The following NUP155 variants were observed in gnomAD, a reference collection of about 807,000 sequenced individuals.
The protein encoded by NUP155 is nuclear pore complex protein Nup155.
NUP155 carries 71 observed loss-of-function variants against 180.4 expected under a neutral mutation model. The ratio of observed to expected loss-of-function variants is 0.39; its 90% confidence interval spans 0.33 to 0.48. The LOEUF (loss-of-function observed/expected upper bound fraction) is 0.48. Ranked by LOEUF, NUP155 falls within the 20% of genes least tolerant of loss-of-function variation. The pLI is 0.91. For synonymous variants in NUP155, 582 were observed against 559.5 expected (o/e 1.04, Z -0.57); for missense variants, 1,553 against 1,648.9 (o/e 0.94, Z 1.01).
At chr5:37,352,132 T>G (rs1044814607) in intron 5 of NUP155, among the ~76,000 whole-genome samples, 1 of 151,662 alleles carries the variant, frequency 6.6e-6, no homozygotes, top group Non-Finnish European at 1.5e-5. Context: ...CCAAGGCAGG[T>G]GGATCACGAG....
At position 37,327,668 on chromosome 5, in the gene NUP155, T is replaced by G; in HGVS notation, c.1985A>C (p.Lys662Thr). The change falls in exon 18 of 35, where the codon AAA becomes ACA. Residue 662 changes from lysine (K) to threonine (T), a missense_variant. Transcript: ENST00000231498. ...VTGPEIVYSG[K>T]HNGICIYFSR... The stretch of plus-strand genomic sequence containing the variant: ...AAAGTAAATGCAAATACCATTGTGT[T>G]TTCCAGAGTACACAATCTCTGGTCC... The G allele has an allele frequency of 6.2e-7, 1 of 1,614,136 alleles. No individual in the cohort carries two copies. The highest frequency in any genetic ancestry group is 8.5e-7 in the Non-Finnish European group (1 of 1,180,000).
At chr5:37,324,277 C>G (rs1744438679) in intron 19 of NUP155, among the ~76,000 whole-genome samples, 170 bp from the exon 20 acceptor site, 1 of 152,188 alleles carries the variant, frequency 6.6e-6, no homozygotes, top group Non-Finnish European at 1.5e-5. Context: ...GCCAGTAACA[C>G]TGATGCATAA....
chr5:37,306,671 T>TGGCCA (rs1743174210), intron 25 of NUP155, among the ~76,000 whole-genome samples: 1 of 151,924 alleles, frequency 6.6e-6, no homozygotes, highest in African/African-American at 2.4e-5. Context: ...TTCACTATGA[T>TGGCCA]GGCCAGGCTG....
intron 4 of NUP155, among the ~76,000 whole-genome samples, chr5:37,354,530 C>T (rs1250599954): frequency 6.7e-6 from 1 of 148,176 alleles, no homozygotes; most frequent in Non-Finnish European, 1.5e-5. Context: ...AGAATCAAGG[C>T]TTACTGCAGC....
chr5:37,356,491 A>G (rs920409421), intron 4 of NUP155, among the ~76,000 whole-genome samples: 4 of 150,564 alleles, frequency 2.7e-5, no homozygotes, highest in Non-Finnish European at 5.9e-5. Context: ...AAAAATATAA[A>G]AATTAGGCGT....
chr5:37,367,694 G>A (rs1485892677), intron 1 of NUP155, among the ~76,000 whole-genome samples: 1 of 150,688 alleles, frequency 6.6e-6, no homozygotes, highest in Non-Finnish European at 1.5e-5. Context: ...CACCACGCCC[G>A]GCTAATTATT....
At position 37,302,799 on chromosome 5, in the gene NUP155, C is replaced by T. The variant is rs1742934139; in HGVS notation, c.3427G>A (p.Glu1143Lys). The T allele has an allele frequency of 1.9e-6, 3 of 1,613,650 alleles. No homozygotes were observed. The African/African-American group carries it at 4.0e-5, about 22-fold the overall frequency. ...CTTACCTCCATTTTTTCTTCTAATT[C>T]ATGAAGAAATTCACCATCGGCAGCT... Reference protein sequence around the residue: ...SIAADGEFLHELEEKMEVARI... With the variant: ...SIAADGEFLHKLEEKMEVARI... The change falls in exon 29 of 35, where the codon GAA (glutamate) becomes AAA (lysine). Residue 1143 changes from glutamate to lysine, a missense_variant. Physicochemically the swap from Glu to Lys is moderately conservative, Grantham distance 56. Coordinates refer to ENST00000231498, the MANE Select transcript of NUP155 (RefSeq NM_153485.3).
intron 33 of NUP155, 78 bp downstream of exon 33, chr5:37,294,251 T>C (rs954444448): frequency 1.7e-5 from 17 of 1,025,662 alleles, no homozygotes; most frequent in Non-Finnish European, 2.3e-5. Context: ...AAAAATGCAA[T>C]CAAAATACCC....
chr5:37,359,379 C>A (rs1275540498), intron 3 of NUP155, among the ~76,000 whole-genome samples: 1 of 151,908 alleles, frequency 6.6e-6, no homozygotes, highest in Non-Finnish European at 1.5e-5. Flanking sequence ...TAATAGCAAT[C>A]TACTGCTGGG....
intron 32 of NUP155, among the ~76,000 whole-genome samples, chr5:37,296,180 CA>C (rs1321294467): frequency 6.6e-6 from 1 of 152,142 alleles, no homozygotes; most frequent in African/African-American, 2.4e-5. Context: ...GAGGTGTGCC[CA>C]ACAGCTCATT....
Position 37,369,875 on chromosome 5 carries a change from G to A in NUP155, c.157+946C>T, listed in dbSNP as rs149495230. On this transcript the variant is annotated intron_variant, in intron 1 of 34. Coordinates refer to ENST00000231498, the MANE Select transcript of NUP155 (RefSeq NM_153485.3). The stretch of plus-strand genomic sequence containing the variant: ...GGGGTCACTTTTTCTAGCAACTGAT[G>A]TAATTCCATAAGCCGTGGGGAGCTG... 1.2e-3 allele frequency among the ~76,000 whole-genome samples: 190 copies of A among 152,262 alleles called. 1 individual carries two copies. Among genetic ancestry groups the A allele is most frequent in the East Asian group, 6.6e-3 (34 of 5,188 alleles).
intron 32 of NUP155, among the ~76,000 whole-genome samples, chr5:37,294,841 T>C (rs1029968919): frequency 4.0e-5 from 6 of 151,782 alleles, no homozygotes; most frequent in Admixed American, 3.9e-4. Flanking sequence ...GGCTGGAGGG[T>C]GTGAAGGAAT....
intron 19 of NUP155, 69 bp downstream of exon 19, chr5:37,325,831 GA>G: frequency 1.2e-6 from 1 of 862,804 alleles, no homozygotes; most frequent in South Asian, 1.4e-5. Flanking sequence ...CAGGAAATGT[GA>G]AACAATCTAA....
rs1161355725 is a variant in NUP155 at position 37,358,127 on chromosome 5, T to C, written c.417A>G (p.Gly139=). The C allele has an allele frequency of 8.1e-6, 13 of 1,613,310 alleles. No homozygotes were observed. Among genetic ancestry groups the C allele is most frequent in the Non-Finnish European group, 1.0e-5 (12 of 1,179,308 alleles). The change falls in exon 4 of 35, where the codon GGA becomes GGG. Residue 139 remains glycine, a synonymous_variant. Coordinates refer to ENST00000231498, the MANE Select transcript of NUP155 (RefSeq NM_153485.3). ...EDGGDLAYFD[G]LSETILAVGL... ...CCACAGCAAGAATAGTCTCACTAAG[T>C]CCATCAAAATAGGCAAGGTCTCCTC... is the stretch of plus-strand genomic sequence containing the variant.
chr5:37,348,922 A>ATTTTT (rs771329052), intron 8 of NUP155, among the ~76,000 whole-genome samples: 24 of 151,938 alleles, frequency 1.6e-4, no homozygotes, highest in Non-Finnish European at 2.8e-4. Flanking sequence ...CACCTGGCTA[A>ATTTTT]TTTTTGTATT....
Position 37,294,442 on chromosome 5 carries a change from G to A in NUP155, c.3817C>T (p.Gln1273Ter), listed in dbSNP as rs1370133540. ...TCCCAGTTCAAAGTACAAACCTGCT[G>A]TTCTAAAAACTGTACAATAAAATCT... is the stretch of plus-strand genomic sequence containing the variant. Reference protein sequence around the residue: ...PLDFIVQFLEQQVCTLNWDVG... With the variant: ...PLDFIVQFLE Residue 1273 changes from glutamine (Q) to a stop codon, truncating the protein, a stop_gained, in exon 33 of 35, where the codon CAG becomes TAG. Transcript: ENST00000231498. LOFTEE classifies it high-confidence loss of function. 2 of 1,613,590 alleles carry A rather than the reference G, an allele frequency of 1.2e-6. No homozygotes were observed. Among genetic ancestry groups the A allele is most frequent in the East Asian group, 2.2e-5 (1 of 44,826 alleles).
chr5:37,354,120 T>C (rs554319413), intron 4 of NUP155, among the ~76,000 whole-genome samples: 74 of 152,348 alleles, frequency 4.9e-4, no homozygotes, highest in Non-Finnish European at 9.1e-4. Context: ...GCATCTCTTT[T>C]AGATTCTATG....
rs1745886159 is a variant in NUP155 at position 37,343,619 on chromosome 5, A to C, written c.996-973T>G. 3.3e-5 allele frequency among the ~76,000 whole-genome samples: 5 copies of C among 152,244 alleles called. No homozygotes were observed. The South Asian group carries it at 1.0e-3, about 32-fold the overall frequency. The stretch of plus-strand genomic sequence containing the variant: ...TTAAAAAAGGAGAAAGGCCAGGTGC[A>C]GTGACTCACGCCTGTAATTCCAGCA... On this transcript the variant is annotated intron_variant, in intron 9 of 34. Transcript: ENST00000231498.
At position 37,327,635 on chromosome 5, in the gene NUP155, A is replaced by T; in HGVS notation, c.2018T>A (p.Ile673Asn). The stretch of plus-strand genomic sequence containing the variant: ...TATTTCATGACAAACTTACCCCATG[A>T]TCCGAGAAAAGTAAATGCAAATACC... ...HNGICIYFSR[I>N]MGNIWDASLV... The change falls in exon 18 of 35, where the codon ATC becomes AAC. Residue 673 changes from isoleucine (I) to asparagine (N), a missense_variant. Physicochemically the swap from Ile to Asn is moderately radical, Grantham distance 149. Coordinates refer to ENST00000231498, the MANE Select transcript of NUP155 (RefSeq NM_153485.3). 1 of 1,614,142 alleles carries T rather than the reference A, an allele frequency of 6.2e-7. No individual in the cohort carries two copies. The highest frequency in any genetic ancestry group is 8.5e-7 in the Non-Finnish European group (1 of 1,180,000).
Sources: gnomAD v4.1 joint callset for allele counts (sites outside exome capture counted in the v4.1 genomes callset) on GRCh38, gnomAD v4.1.1 for gene constraint, MANE v1.5 for transcripts, NCBI Gene and HGNC (gene_info 2026-07-23, HGNC 2026-07-21) for gene names.